LCN15: variants seen among roughly 807,000 people sequenced by gnomAD.
LCN15 encodes the protein lipocalin 15.
In LCN15, 26 loss-of-function variants were observed where a neutral mutation model predicts 23.1. The ratio of observed to expected loss-of-function variants is 1.13; its 90% CI spans 0.82 to 1.56. The LOEUF (loss-of-function observed/expected upper bound fraction) is 1.56. Among genes scored for constraint, LCN15 ranks in the 40% most tolerant of loss-of-function variants. The pLI, the probability that LCN15 is intolerant of heterozygous loss-of-function variation, is 0.00. For missense variants in LCN15, 241 were observed against 239.5 expected (o/e 1.01, Z -0.04); for synonymous variants, 107 against 98.3 (o/e 1.09, Z -0.52).
intron 1 of LCN15, 125 bp downstream of exon 1, chr9:136,764,268 C>A: frequency 1.0e-6 from 1 of 961,550 alleles, no homozygotes; most frequent in East Asian, 2.6e-5. Context: ...CAGAGTGGGT[C>A]TATAGCACGT....
chr9:136,762,368 C>G (rs1054326581), intron 4 of LCN15, 79 bp from the exon 5 acceptor site: 1 of 827,786 alleles, frequency 1.2e-6, no homozygotes, highest in Non-Finnish European at 2.0e-6. Context: ...ACTCCACCAG[C>G]CTGAGGGCTG....
intron 4 of LCN15, among the ~76,000 whole-genome samples, 182 bp downstream of exon 4, chr9:136,763,175 G>T (rs1260411891): frequency 6.6e-6 from 1 of 151,168 alleles, no homozygotes; most frequent in African/African-American, 2.4e-5. Flanking sequence ...GAAGGGGCGG[G>T]CCCGGGGATG....
rs899408303 is a variant in LCN15 at position 136,759,702 on chromosome 9, G to A, written c.*114C>T. The A allele has an allele frequency of 6.6e-6, 1 of 152,214 alleles. No homozygotes were observed. Among genetic ancestry groups the A allele is most frequent in the Non-Finnish European group, 1.5e-5 (1 of 68,094 alleles). The allele number at this position is 152,214 out of a possible 1,614,324, so 9.4% of individuals were successfully genotyped here. A position where few individuals can be genotyped will look rare whatever the true frequency, so the allele number is the denominator to read the frequency against. The stretch of plus-strand genomic sequence containing the variant: ...CAAGGCATCCCACAGGCGGGGGGTG[G>A]AGGATGGAGAGACTCCAGGTGGTCC... On this transcript the variant is annotated 3_prime_UTR_variant, in exon 7 of 7. Transcript: ENST00000316144.
chr9:136,763,249 A>C, intron 4 of LCN15, 108 bp downstream of exon 4: 1 of 521,508 alleles, frequency 1.9e-6, no homozygotes, highest in Non-Finnish European at 3.1e-6. Context: ...GGGGCCTGTG[A>C]GGAGGCGCGG....
At position 136,762,922 on chromosome 9, in the gene LCN15, T is replaced by TAAAA. The variant is rs564732610; in HGVS notation, c.418+431_418+434dup. On this transcript the variant is annotated intron_variant, in intron 4 of 6. Transcript: ENST00000316144. ...TGGGCGACAGAGTGAGACTCCATAT[T>TAAAA]AAAAAAAAAAAAAAAAAAGAACCTC... Among the ~76,000 whole-genome samples, 131 of 104,854 alleles carry TAAAA rather than the reference T, an allele frequency of 1.2e-3. 3 individuals carry two copies. The highest frequency in any genetic ancestry group is 3.4e-3 in the African/African-American group (87 of 25,554). 68.8% of individuals were successfully genotyped at this position (104,854 alleles called of 152,430 possible).
chr9:136,760,835 C>T (rs1041147634), intron 6 of LCN15, among the ~76,000 whole-genome samples: 2 of 152,216 alleles, frequency 1.3e-5, no homozygotes, highest in African/African-American at 4.8e-5. Flanking sequence ...TGGATTGAAT[C>T]GTGTCCCCAA....
chr9:136,760,643 A>AG (rs1564335006), intron 6 of LCN15, among the ~76,000 whole-genome samples: 3 of 152,240 alleles, frequency 2.0e-5, no homozygotes, highest in South Asian at 2.1e-4. Flanking sequence ...CGTCTGGTTT[A>AG]GGGGGGGATC....
At chr9:136,764,266 G>A in intron 1 of LCN15, 127 bp downstream of exon 1, 6 of 943,636 alleles carry the variant, frequency 6.4e-6, no homozygotes, top group Non-Finnish European at 9.7e-6. Context: ...CGCAGAGTGG[G>A]TCTATAGCAC....
chr9:136,760,546 C>T (rs564994668), intron 6 of LCN15, among the ~76,000 whole-genome samples: 3 of 152,198 alleles, frequency 2.0e-5, no homozygotes, highest in African/African-American at 4.8e-5. Flanking sequence ...CTCCAGACGC[C>T]GGTGACTGTC....
rs773055059 is a variant in LCN15 at position 136,764,468 on chromosome 9, G to A, written c.21C>T (p.Gly7=). The change falls in exon 1 of 7, where the codon GGC becomes GGT. Residue 7 remains glycine, a synonymous_variant. Coordinates refer to ENST00000316144, the MANE Select transcript of LCN15 (RefSeq NM_203347.2). MMSFLL[G]AILTLLWAPT... ...GCGCCCAGAGCAGGGTCAGGATTGCGCCGAGCAGGAATGACATCATCCCCT... is the reference window on the plus strand; with the variant it reads ...GCGCCCAGAGCAGGGTCAGGATTGCACCGAGCAGGAATGACATCATCCCCT... 26 of 1,612,852 alleles carry A rather than the reference G, an allele frequency of 1.6e-5. No homozygotes were observed. Among genetic ancestry groups the A allele is most frequent in the South Asian group, 4.4e-5 (4 of 91,010 alleles).
rs1450570759 is a variant in LCN15, at chr9:136,761,001, C to A, written c.*32+786G>T. Among the ~76,000 whole-genome samples the A allele has an allele frequency of 6.6e-6, 1 of 152,212 alleles. No individual in the cohort carries two copies. The highest frequency in any genetic ancestry group is 6.5e-5 in the Admixed American group (1 of 15,284). ...TCCTCCTAAGAAGAGGGCCGTGGGG[C>A]ACTCGCTTCGGCAGCACAGACACTA... On this transcript the variant is annotated intron_variant, in intron 6 of 6. Transcript: ENST00000316144. This position sits in a 1 kb window ranked among gnomAD's most constrained non-coding sequence, Gnocchi z 4.2.
At chr9:136,760,324 G>A (rs961562192) in intron 6 of LCN15, among the ~76,000 whole-genome samples, 10 of 152,204 alleles carry the variant, frequency 6.6e-5, no homozygotes, top group Admixed American at 5.9e-4. Flanking sequence ...GCAGGGAGAC[G>A]TTGGTGCAGA....
At chr9:136,762,334 T>A in intron 4 of LCN15, 45 bp from the exon 5 acceptor site, 1 of 1,140,962 alleles carries the variant, frequency 8.8e-7, no homozygotes, top group South Asian at 1.3e-5. Context: ...CTCACAGGAG[T>A]GCAGCACGGG....
chr9:136,762,103 G>T, intron 5 of LCN15, 85 bp downstream of exon 5: 1 of 926,942 alleles, frequency 1.1e-6, no homozygotes, highest in Non-Finnish European at 1.6e-6. Flanking sequence ...CACACTGCCT[G>T]TGCTGTGAGG....
rs1478481499 is a variant in LCN15, at chr9:136,763,989, C to T, written c.117G>A (p.Val39=). 1 of 1,613,124 alleles carries T rather than the reference C, an allele frequency of 6.2e-7. No individual in the cohort carries two copies. The highest frequency in any genetic ancestry group is 1.3e-5 in the African/African-American group (1 of 74,888). ...CCCTGCAGTCAGATGCCATGGAGAC[C>T]ACGTACCAGAGGCCTGAGAACTGCC... ...NAEKFSGLWY[V]VSMASDCRVF... is the part of the protein sequence containing the mutation. Residue 39 remains valine, a synonymous_variant, in exon 2 of 7, where the codon GTG becomes GTA. Coordinates refer to ENST00000316144, the MANE Select transcript of LCN15 (RefSeq NM_203347.2).
intron 3 of LCN15, 52 bp downstream of exon 3, chr9:136,763,661 C>G: frequency 6.3e-7 from 1 of 1,593,232 alleles, no homozygotes; most frequent in Non-Finnish European, 8.6e-7. Flanking sequence ...CCCACGTCAC[C>G]CCCAGAGAAG....
chr9:136,760,092 T>C (rs1174270884), intron 6 of LCN15, among the ~76,000 whole-genome samples: 1 of 152,128 alleles, frequency 6.6e-6, no homozygotes, highest in East Asian at 1.9e-4. Flanking sequence ...TGGTCCTCGG[T>C]GAAGGGGGCT....
At chr9:136,763,151 A>G (rs1270644329) in intron 4 of LCN15, among the ~76,000 whole-genome samples, 1 of 148,764 alleles carries the variant, frequency 6.7e-6, no homozygotes, top group Admixed American at 6.7e-5. Context: ...AGGAGAGGGC[A>G]TGGGGCAGCA....
intron 6 of LCN15, among the ~76,000 whole-genome samples, chr9:136,760,469 G>A (rs1426439227): frequency 6.6e-6 from 1 of 152,184 alleles, no homozygotes; most frequent in Non-Finnish European, 1.5e-5. Context: ...CGGCAGAAAC[G>A]CAGGAGAAAC....
Sources: allele counts gnomAD v4.1 joint callset (sites outside exome capture counted in the v4.1 genomes callset), GRCh38; gene constraint gnomAD v4.1.1; non-coding constraint Gnocchi (gnomAD v3.1); transcripts MANE v1.5; gene names NCBI Gene and HGNC (gene_info 2026-07-23, HGNC 2026-07-21).